TAOK3: variants seen among roughly 807,000 people sequenced by gnomAD.
TAOK3 encodes the protein serine/threonine-protein kinase TAO3.
Under a neutral mutation model 120.4 loss-of-function variants are expected in TAOK3, and 40 were observed. The observed-to-expected ratio is 0.33, with a 90% confidence interval of 0.26 to 0.43. The LOEUF (loss-of-function observed/expected upper bound fraction) is 0.43. TAOK3 is among the 20% of genes least tolerant of loss of function. The pLI is 1.00. For missense variants in TAOK3, 821 were observed against 1,112.1 expected, an observed-to-expected ratio of 0.74 and a Z score of 3.72; for synonymous variants, 355 against 387.5, an observed-to-expected ratio of 0.92 and a Z score of 0.99.
chr12:118,340,897 T>A (rs2141119716), intron 1 of TAOK3, among the ~76,000 whole-genome samples: 1 of 151,976 alleles, frequency 6.6e-6, no homozygotes, highest in African/African-American at 2.4e-5. Context: ...GAGCCACGAT[T>A]ACACCACTGC....
At chr12:118,224,570 G>C (rs1215483517) in intron 9 of TAOK3, among the ~76,000 whole-genome samples, 1 of 152,154 alleles carries the variant, frequency 6.6e-6, no homozygotes, top group African/African-American at 2.4e-5. Context: ...AGAGAACCAA[G>C]ATTAACTTCT....
intron 1 of TAOK3, among the ~76,000 whole-genome samples, chr12:118,306,778 A>T (rs545524853): frequency 3.7e-4 from 57 of 152,348 alleles, no homozygotes; most frequent in Non-Finnish European, 2.5e-4. Context: ...ATTGTAAAGT[A>T]GTAACATCAA....
intron 9 of TAOK3, among the ~76,000 whole-genome samples, chr12:118,219,799 AGATG>A (rs2039136833): frequency 1.5e-5 from 1 of 66,110 alleles, no homozygotes; most frequent in Admixed American, 2.1e-4. Context: ...TTTTTTTTAG[AGATG>A]GGGTTTTGCT....
At chr12:118,295,626 A>G (rs1052661262) in intron 1 of TAOK3, among the ~76,000 whole-genome samples, 1 of 152,214 alleles carries the variant, frequency 6.6e-6, no homozygotes, top group African/African-American at 2.4e-5. Context: ...GCTCCTTAGC[A>G]CAAGGTTCTT....
intron 1 of TAOK3, among the ~76,000 whole-genome samples, chr12:118,314,279 G>A (rs141209755): frequency 2.6e-5 from 4 of 152,250 alleles, no homozygotes; most frequent in African/African-American, 9.6e-5. Context: ...TTTCAGGTTT[G>A]TCCACAAAGG....
At chr12:118,233,527 T>C in intron 9 of TAOK3, 147 bp downstream of exon 9, 1 of 528,538 alleles carries the variant, frequency 1.9e-6, no homozygotes, top group South Asian at 3.2e-5. Context: ...TAAATTCGCA[T>C]TGCCTAGCAC....
intron 11 of TAOK3, among the ~76,000 whole-genome samples, chr12:118,206,673 C>T (rs569878702): frequency 4.6e-5 from 7 of 151,972 alleles, no homozygotes; most frequent in Admixed American, 1.3e-4. Context: ...CTCAGCTCAC[C>T]GCAACCTCCA....
intron 1 of TAOK3, among the ~76,000 whole-genome samples, chr12:118,284,331 C>T (rs1447684944): frequency 2.6e-5 from 4 of 152,078 alleles, no homozygotes; most frequent in African/African-American, 9.7e-5. Flanking sequence ...AGAATGTTGG[C>T]AATAAAATTG....
In TAOK3 at chr12:118,150,992, T is replaced by A. The variant is rs770003162; in HGVS notation, c.*5A>T. The A allele has an allele frequency of 2.9e-5, 44 of 1,538,250 alleles. 1 individual carries two copies. The South Asian group carries it at 4.8e-4, about 17-fold the overall frequency. On this transcript the variant is annotated 3_prime_UTR_variant, in exon 21 of 21. Coordinates refer to ENST00000392533, the MANE Select transcript of TAOK3 (RefSeq NM_016281.4). Reference sequence around the variant, plus strand: ...TTTTTTTTGTAAATGGCAAAAAATTTAATCTCATCTGTAGTCCTCCTTAGG... The same window carrying A: ...TTTTTTTTGTAAATGGCAAAAAATTAAATCTCATCTGTAGTCCTCCTTAGG...
intron 1 of TAOK3, among the ~76,000 whole-genome samples, chr12:118,290,551 T>C (rs973146656): frequency 1.3e-5 from 2 of 152,138 alleles, no homozygotes; most frequent in African/African-American, 2.4e-5. Context: ...ATCTCTCCAT[T>C]AGGACCATAA....
At chr12:118,305,773 G>A (rs1374222953) in intron 1 of TAOK3, among the ~76,000 whole-genome samples, 1 of 151,244 alleles carries the variant, frequency 6.6e-6, no homozygotes, top group Non-Finnish European at 1.5e-5. Flanking sequence ...GTGTGGTGGC[G>A]GGTGCCTGTA....
At chr12:118,337,714 T>C (rs2044424466) in intron 1 of TAOK3, among the ~76,000 whole-genome samples, 1 of 152,194 alleles carries the variant, frequency 6.6e-6, no homozygotes, top group African/African-American at 2.4e-5. Context: ...GACAAAATTA[T>C]AGACATGAAG....
At position 118,172,319 on chromosome 12, in the gene TAOK3, C is replaced by T; in HGVS notation, c.1899+138G>A. On this transcript the variant is annotated intron_variant, in intron 17 of 20. Coordinates refer to ENST00000392533, the MANE Select transcript of TAOK3 (RefSeq NM_016281.4). ...TTCATTCCCTGACTTTTTTTGTATACCTACTCTGTGTTAGCCACTGTGCTA... is the reference window on the plus strand; with the variant it reads ...TTCATTCCCTGACTTTTTTTGTATATCTACTCTGTGTTAGCCACTGTGCTA... 4.7e-6 allele frequency: 4 copies of T among 855,728 alleles called. No individual in the cohort carries two copies. In the Admixed American group the frequency reaches 7.6e-5, roughly 16 times the overall value. 53.0% of individuals were successfully genotyped at this position (855,728 alleles called of 1,614,324 possible).
chr12:118,340,992 ATTT>A (rs1181293202), intron 1 of TAOK3, among the ~76,000 whole-genome samples: 1 of 140,638 alleles, frequency 7.1e-6, no homozygotes. Flanking sequence ...AATATATCTA[ATTT>A]TTTTTTTTTT....
intron 9 of TAOK3, among the ~76,000 whole-genome samples, chr12:118,227,365 A>G (rs1427119515): frequency 2.0e-5 from 3 of 149,122 alleles, no homozygotes; most frequent in African/African-American, 7.3e-5. Context: ...GTAATATTTT[A>G]TAAGAATAAA....
intron 9 of TAOK3, among the ~76,000 whole-genome samples, chr12:118,216,946 A>C (rs1396655554): frequency 6.6e-6 from 1 of 151,408 alleles, no homozygotes; most frequent in East Asian, 1.9e-4. Flanking sequence ...AAAAAAAAAA[A>C]AGAAAAAGAA....
intron 1 of TAOK3, among the ~76,000 whole-genome samples, chr12:118,353,807 A>G (rs1400764696): frequency 6.6e-6 from 1 of 152,236 alleles, no homozygotes; most frequent in African/African-American, 2.4e-5. Flanking sequence ...AAGGGGTTAC[A>G]TTACAGATTA....
chr12:118,319,968 T>A (rs1454903062), intron 1 of TAOK3, among the ~76,000 whole-genome samples: 3 of 152,152 alleles, frequency 2.0e-5, no homozygotes, highest in Non-Finnish European at 4.4e-5. Flanking sequence ...AGCAGACAGA[T>A]ACACAGATGA....
chr12:118,154,851 C>T (rs193086151), intron 19 of TAOK3, among the ~76,000 whole-genome samples: 5 of 152,246 alleles, frequency 3.3e-5, no homozygotes, highest in African/African-American at 7.2e-5. Context: ...AGCATACAGG[C>T]GCACAGGATT....
Sources: allele counts gnomAD v4.1 joint callset (sites outside exome capture counted in the v4.1 genomes callset), GRCh38; gene constraint gnomAD v4.1.1; transcripts MANE v1.5; gene names NCBI Gene and HGNC (gene_info 2026-07-23, HGNC 2026-07-21).